Variants in SNTG1 observed in about 807,000 individuals in gnomAD.
SNTG1 encodes gamma-1-syntrophin.
SNTG1 carries 39 observed loss-of-function variants against 74.7 expected under a neutral mutation model. The ratio of observed to expected loss-of-function variants is 0.52; its 90% CI spans 0.40 to 0.68. The LOEUF (loss-of-function observed/expected upper bound fraction) is 0.68. SNTG1 is among the 30% of genes least tolerant of loss of function. The pLI is 0.00. For synonymous variants in SNTG1, 254 were observed against 217.1 expected (o/e 1.17, Z -1.49); for missense variants, 685 against 609.5 (o/e 1.12, Z -1.30).
At chr8:50,178,949 C>A (rs1290872841) in intron 2 of SNTG1, among the ~76,000 whole-genome samples, 1 of 152,140 alleles carries the variant, frequency 6.6e-6, no homozygotes, top group East Asian at 1.9e-4. Context: ...CCCATGTTTT[C>A]TTCTACAAAT....
chr8:50,393,048 C>A (rs1404149208), intron 2 of SNTG1, among the ~76,000 whole-genome samples: 2 of 151,268 alleles, frequency 1.3e-5, no homozygotes, highest in East Asian at 3.9e-4. Context: ...AAGATATTTA[C>A]AGGTTCTTCA....
At chr8:50,461,192 T>C (rs1206090719) in intron 8 of SNTG1, among the ~76,000 whole-genome samples, 1 of 151,276 alleles carries the variant, frequency 6.6e-6, no homozygotes, top group East Asian at 1.9e-4. Flanking sequence ...TGTGTGTGTG[T>C]GTGTGTGTGT....
chr8:50,647,641 A>G (rs1487840626), intron 13 of SNTG1, among the ~76,000 whole-genome samples: 1 of 152,156 alleles, frequency 6.6e-6, no homozygotes, highest in Admixed American at 6.5e-5. Flanking sequence ...AGAAAAAATA[A>G]CAAACTAAAA....
intron 18 of SNTG1, among the ~76,000 whole-genome samples, chr8:50,779,045 G>C (rs200988162): frequency 5.9e-5 from 9 of 151,924 alleles, no homozygotes; most frequent in East Asian, 1.9e-4. Context: ...GGGCTCTGTT[G>C]TGTTCCATTG....
At chr8:50,734,227 C>CA (rs1157038042) in intron 17 of SNTG1, among the ~76,000 whole-genome samples, 2 of 151,632 alleles carry the variant, frequency 1.3e-5, no homozygotes, top group Non-Finnish European at 3.0e-5. Context: ...TAGTAAGAAA[C>CA]AAACTATAGA....
In SNTG1 at chr8:50,182,977, T is replaced by C. The variant is rs1398241245; in HGVS notation, c.-28+10342T>C. 2.0e-5 allele frequency among the ~76,000 whole-genome samples: 3 copies of C among 152,116 alleles called. No individual in the cohort carries two copies. The East Asian group carries it at 5.8e-4, about 29-fold the overall frequency. On this transcript the variant is annotated intron_variant, in intron 2 of 18. Transcript: ENST00000642720. The stretch of plus-strand genomic sequence containing the variant: ...TATCCTCAGAGACACCATCCCAAGA[T>C]GATGTCACTGATGCCGCATACCAAG...
chr8:50,314,812 C>T (rs1186801197), intron 2 of SNTG1, among the ~76,000 whole-genome samples: 3 of 149,612 alleles, frequency 2.0e-5, no homozygotes, highest in African/African-American at 5.0e-5. Flanking sequence ...TAAATGTGAC[C>T]TCTTCCAACT....
rs773355208 is a variant in SNTG1 at position 50,156,687 on chromosome 8, C to G, written c.-102-15874C>G. Among the ~76,000 whole-genome samples, 129 of 151,872 alleles carry G rather than the reference C, an allele frequency of 8.5e-4. 2 individuals carry two copies. Among genetic ancestry groups the G allele is most frequent in the Admixed American group, 2.0e-4 (3 of 15,226 alleles). On this transcript the variant is annotated intron_variant, in intron 1 of 18. Coordinates refer to ENST00000642720, the MANE Select transcript of SNTG1 (RefSeq NM_018967.5). ...TCATTGCTAAAAAGACAAATCAGCCCATTAAAAATGGGCAAGTGTTCTGAT... is the reference window on the plus strand; with the variant it reads ...TCATTGCTAAAAAGACAAATCAGCCGATTAAAAATGGGCAAGTGTTCTGAT...
At chr8:49,947,121 G>A (rs904869477) in intron 1 of SNTG1, among the ~76,000 whole-genome samples, 8 of 152,082 alleles carry the variant, frequency 5.3e-5, no homozygotes, top group Non-Finnish European at 7.4e-5. Flanking sequence ...CCCACATGGT[G>A]AAACCCTGTC....
chr8:50,182,091 A>G (rs1172524404), intron 2 of SNTG1, among the ~76,000 whole-genome samples: 1 of 152,222 alleles, frequency 6.6e-6, no homozygotes, highest in East Asian at 1.9e-4. Context: ...TTAAGAATAT[A>G]ATATTATTTT....
At chr8:50,363,808 G>A (rs1012908893) in intron 2 of SNTG1, among the ~76,000 whole-genome samples, 5 of 152,088 alleles carry the variant, frequency 3.3e-5, no homozygotes, top group Non-Finnish European at 5.9e-5. Flanking sequence ...GAGATTTGGA[G>A]AATCTCTCAT....
chr8:50,191,033 T>A (rs1336694848), intron 2 of SNTG1, among the ~76,000 whole-genome samples: 5 of 152,214 alleles, frequency 3.3e-5, no homozygotes, highest in African/African-American at 9.6e-5. Context: ...TTTCTTTCAC[T>A]GGTCTTCTTT....
chr8:50,791,823 T>C (rs994499556), intron 18 of SNTG1, among the ~76,000 whole-genome samples: 9 of 151,866 alleles, frequency 5.9e-5, no homozygotes, highest in Admixed American at 2.6e-4. Flanking sequence ...ATCTTGAAAT[T>C]AAGACATGTT....
chr8:50,786,992 CT>C (rs1209127578), intron 18 of SNTG1, among the ~76,000 whole-genome samples: 1 of 151,804 alleles, frequency 6.6e-6, no homozygotes, highest in Non-Finnish European at 1.5e-5. Flanking sequence ...ACAAATTGGA[CT>C]TTTTCAAAAT....
chr8:50,772,393 A>G (rs1405960472), intron 18 of SNTG1, among the ~76,000 whole-genome samples: 1 of 152,024 alleles, frequency 6.6e-6, no homozygotes, highest in South Asian at 2.1e-4. Flanking sequence ...CCTGTCATTT[A>G]TTTCTTTTTG....
intron 16 of SNTG1, chr8:50,707,996 T>A: frequency 2.9e-6 from 1 of 346,924 alleles, no homozygotes; most frequent in Non-Finnish European, 5.2e-6. Flanking sequence ...AGGTCAGGCG[T>A]TCGAGACCAG....
chr8:50,446,696 A>AGAAAACC (rs2093411343), intron 5 of SNTG1, among the ~76,000 whole-genome samples: 1 of 152,184 alleles, frequency 6.6e-6, no homozygotes, highest in African/African-American at 2.4e-5. Flanking sequence ...AAATAAAAAC[A>AGAAAACC]GAAAACCAAA....
chr8:50,042,866 G>C (rs994020492), intron 1 of SNTG1, among the ~76,000 whole-genome samples: 12 of 152,014 alleles, frequency 7.9e-5, no homozygotes, highest in African/African-American at 2.2e-4. Context: ...CAAAGCAGTG[G>C]GATTATAGCC....
chr8:50,771,595 G>A (rs1048380384), intron 18 of SNTG1, among the ~76,000 whole-genome samples: 2 of 152,120 alleles, frequency 1.3e-5, no homozygotes, highest in Admixed American at 1.3e-4. Context: ...AAAGGGTGCT[G>A]AGGGTTGGGT....
Sources: gnomAD v4.1 joint callset for allele counts (sites outside exome capture counted in the v4.1 genomes callset) on GRCh38, gnomAD v4.1.1 for gene constraint, MANE v1.5 for transcripts, NCBI Gene and HGNC (gene_info 2026-07-23, HGNC 2026-07-21) for gene names.